Variants in DNHD1 observed in about 807,000 individuals in gnomAD.
The protein encoded by DNHD1 is dynein heavy chain domain-containing protein 1.
In DNHD1, 383 loss-of-function variants were observed where a neutral mutation model predicts 458.1. The observed-to-expected ratio is 0.84, with a 90% CI of 0.77 to 0.91. The LOEUF (loss-of-function observed/expected upper bound fraction) is 0.91, where lower values mean the gene tolerates loss of function less well. DNHD1 is among the 40% of genes least tolerant of loss of function. The probability of loss-of-function intolerance (pLI) is 0.00; values close to 1 mark genes in which losing one functional copy is unlikely to be tolerated. For missense variants in DNHD1, 5,336 were observed against 5,866.1 expected (o/e 0.91, Z 2.95); for synonymous variants, 2,203 against 2,376.9 (o/e 0.93, Z 2.13).
At chr11:6,501,150 G>A (rs945125434) in intron 3 of DNHD1, among the ~76,000 whole-genome samples, 6 of 152,332 alleles carry the variant, frequency 3.9e-5, no homozygotes, top group Middle Eastern at 3.4e-3. Flanking sequence ...GTTAAGTTTT[G>A]TGGGGAGGAA....
chr11:6,524,947 C>T (rs1487427247), intron 10 of DNHD1, among the ~76,000 whole-genome samples: 1 of 152,146 alleles, frequency 6.6e-6, no homozygotes, highest in Non-Finnish European at 1.5e-5. Flanking sequence ...AAGTGGTCAT[C>T]AAGTACCAGG....
intron 24 of DNHD1, 196 bp downstream of exon 24, chr11:6,549,129 A>C: frequency 1.6e-6 from 1 of 633,842 alleles, no homozygotes; most frequent in East Asian, 2.8e-5. Flanking sequence ...GCTTTGCTAA[A>C]TCTCTGTGTC....
At position 6,545,615 on chromosome 11, in the gene DNHD1, G is replaced by T; in HGVS notation, c.4676G>T (p.Gly1559Val). The change falls in exon 21 of 43, where the codon GGG becomes GTG. Residue 1559 changes from glycine to valine, a missense_variant. Gly to Val is a moderately radical substitution (Grantham distance 109). Around this residue, in one of 4 missense-constraint regions of DNHD1, gnomAD observed 3,932 missense variants for 4,365.6 expected, o/e 0.90. Transcript: ENST00000254579. The surrounding 1 kb of genome is among the most constrained non-coding windows in gnomAD (Gnocchi z 4.9). ...FMRAQRASQG[G>V]QSLPSVRQTS... ...CGGGCCCAGAGGGCTTCCCAAGGTG[G>T]GCAGTCCCTGCCTTCTGTCCGCCAG... The T allele has an allele frequency of 1.3e-6, 2 of 1,551,844 alleles. No homozygotes were observed. Among genetic ancestry groups the T allele is most frequent in the Non-Finnish European group, 1.7e-6 (2 of 1,147,012 alleles).
At chr11:6,566,139 A>G (rs1853690448) in intron 33 of DNHD1, 102 bp from the exon 34 acceptor site, 1 of 1,497,108 alleles carries the variant, frequency 6.7e-7, no homozygotes, top group Non-Finnish European at 9.0e-7. Context: ...GAACCCTCCT[A>G]TCAGCCACAG....
intron 3 of DNHD1, among the ~76,000 whole-genome samples, chr11:6,501,379 C>T (rs945266866): frequency 2.0e-5 from 3 of 149,654 alleles, no homozygotes; most frequent in Admixed American, 2.0e-4. Context: ...AATAAATATT[C>T]GTAGACTAAA....
Position 6,571,416 on chromosome 11 carries a change from A to C in DNHD1, c.13904A>C (p.His4635Pro), listed in dbSNP as rs777939275. 1 of 1,592,120 alleles carries C rather than the reference A, an allele frequency of 6.3e-7. No individual in the cohort carries two copies. Among genetic ancestry groups the C allele is most frequent in the African/African-American group, 1.3e-5 (1 of 74,374 alleles). ...KRLEMNSNPLHFRVENGPNPT... is the reference protein window; with the variant it reads ...KRLEMNSNPLPFRVENGPNPT... ...CTGGAGATGAACAGCAACCCTCTGC[A>C]CTTCAGGGTATCTTCGCGCCGCCCC... The change falls in exon 42 of 43, where the codon CAC (histidine) becomes CCC (proline). Residue 4635 changes from histidine (H) to proline (P), a missense_variant. By Grantham distance (77) the His-to-Pro change is moderately conservative (BLOSUM62 -2). This residue lies in a region of DNHD1 where 698 missense variants were observed against 664.9 expected (regional missense o/e 1.05). Transcript: ENST00000254579. The surrounding 1 kb of genome is among the most constrained non-coding windows in gnomAD (Gnocchi z 5.0).
chr11:6,537,749 A>G (rs1852988211), intron 14 of DNHD1, among the ~76,000 whole-genome samples: 1 of 152,036 alleles, frequency 6.6e-6, no homozygotes, highest in South Asian at 2.1e-4. Context: ...TGGCCAACAT[A>G]GTGAAACCCT....
In DNHD1 at chr11:6,511,336, G is replaced by T. The variant is rs1408332033; in HGVS notation, c.1299G>T (p.Leu433=). 10 of 1,614,130 alleles carry T rather than the reference G, an allele frequency of 6.2e-6. No homozygotes were observed. The highest frequency in any genetic ancestry group is 8.5e-6 in the Non-Finnish European group (10 of 1,180,044). Residue 433 remains leucine (L), a synonymous_variant, in exon 7 of 43, where the codon CTG becomes CTT. Coordinates refer to ENST00000254579, the MANE Select transcript of DNHD1 (RefSeq NM_144666.3). ...LPQELDRCYE[L]LDLQTALAEE... is the part of the protein sequence containing the mutation. ...AGGAACTGGATCGGTGCTATGAGCT[G>T]CTGGACCTGCAGACGGCTCTAGCCG...
rs1356098417 is a variant in DNHD1 at position 6,547,308 on chromosome 11, T to C, written c.6369T>C (p.Phe2123=). ...GQQIARPPGT[F]LLMEVADTTG... is the part of the protein sequence containing the mutation. ...AGATAGCACGACCCCCAGGCACCTT[T>C]CTCTTGATGGAGGTGGCTGACACAA... is the stretch of plus-strand genomic sequence containing the variant. Residue 2123 remains phenylalanine, a synonymous_variant, in exon 21 of 43, where the codon TTT becomes TTC. Transcript: ENST00000254579. The C allele has an allele frequency of 4.5e-6, 7 of 1,551,792 alleles. No homozygotes were observed. The East Asian group carries it at 1.7e-4, about 38-fold the overall frequency.
chr11:6,546,232 C>A lies in DNHD1; in HGVS notation c.5293C>A (p.Pro1765Thr). The A allele has an allele frequency of 6.4e-7, 1 of 1,552,006 alleles. No individual in the cohort carries two copies. The change falls in exon 21 of 43, where the codon CCA (proline) becomes ACA (threonine). Residue 1765 changes from proline (P) to threonine (T), a missense_variant. Pro to Thr is a conservative substitution (Grantham distance 38). Coordinates refer to ENST00000254579, the MANE Select transcript of DNHD1 (RefSeq NM_144666.3). ...GGGTGAACTGCACCACTTGTATGCC[C>A]CACTGTACCAGGAGGCTTCCCGAAA... ...RLGELHHLYA[P>T]LYQEASRNTS...
In DNHD1 at chr11:6,544,630, G is replaced by GTT; in HGVS notation, c.3812_3813dup (p.Leu1272PhefsTer5). On this transcript the variant is annotated frameshift_variant, in exon 20 of 43. Coordinates refer to ENST00000254579, the MANE Select transcript of DNHD1 (RefSeq NM_144666.3). ...GCAGAAGTGGATTTTTCTGAATAAA[G>GTT]TTCTGCATGAGATGAAGATCCAGTT... 6.4e-7 allele frequency: 1 copy of GTT among 1,551,594 alleles called. No homozygotes were observed. Among genetic ancestry groups the GTT allele is most frequent in the Non-Finnish European group, 8.7e-7 (1 of 1,146,970 alleles).
In DNHD1 at chr11:6,537,267, G is replaced by A. The variant is rs186431675; in HGVS notation, c.2999-1116G>A. On this transcript the variant is annotated intron_variant, in intron 14 of 42. Coordinates refer to ENST00000254579, the MANE Select transcript of DNHD1 (RefSeq NM_144666.3). ...AAGGGGTGGAGGATAATGGCCGGAGGTAAACATGACAGGTCCTCTATGTGG... is the reference window on the plus strand; with the variant it reads ...AAGGGGTGGAGGATAATGGCCGGAGATAAACATGACAGGTCCTCTATGTGG... 6.6e-5 allele frequency among the ~76,000 whole-genome samples: 10 copies of A among 152,280 alleles called. No homozygotes were observed. In the East Asian group the frequency reaches 1.9e-3, roughly 29 times the overall value.
At chr11:6,528,406 T>TGTGC in intron 10 of DNHD1, 116 bp from the exon 11 acceptor site, 1 of 456,404 alleles carries the variant, frequency 2.2e-6, no homozygotes, top group South Asian at 3.2e-5. Context: ...AGCGAATGGG[T>TGTGC]GTGTGTGTGT....
At chr11:6,542,490 C>G (rs1853115737) in intron 18 of DNHD1, among the ~76,000 whole-genome samples, 1 of 152,128 alleles carries the variant, frequency 6.6e-6, no homozygotes, top group Non-Finnish European at 1.5e-5. Flanking sequence ...TTCAGTTTTC[C>G]CTTCTCTCTC....
chr11:6,569,983 C>G, intron 39 of DNHD1, 26 bp from the exon 40 acceptor site: 1 of 1,602,320 alleles, frequency 6.2e-7, no homozygotes, highest in Non-Finnish European at 8.5e-7. Flanking sequence ...ATATGTGAAA[C>G]CCTGCTTTCC....
Position 6,533,704 on chromosome 11 carries a change from C to A in DNHD1, c.2529C>A (p.Tyr843Ter), listed in dbSNP as rs376323454. 6.4e-7 allele frequency: 1 copy of A among 1,550,404 alleles called. No homozygotes were observed. ...AGTTGAATGAAGCCAATGAACAGTA[C>A]GTCGAGCTGGAGGAGCGAATGGAAT... ...TQKLNEANEQ[Y>*]VELEERMEYV... is the part of the protein sequence containing the mutation. Residue 843 changes from tyrosine to a stop codon, truncating the protein, a stop_gained, in exon 14 of 43, where the codon TAC becomes TAA. Coordinates refer to ENST00000254579, the MANE Select transcript of DNHD1 (RefSeq NM_144666.3). LOFTEE classifies it high-confidence loss of function.
chr11:6,501,301 A>ATTTTT (rs5789468), intron 3 of DNHD1, among the ~76,000 whole-genome samples: 1 of 144,730 alleles, frequency 6.9e-6, no homozygotes, highest in Non-Finnish European at 1.5e-5. Flanking sequence ...CTGGGTAGGG[A>ATTTTT]TTTTTTTTTT....
At position 6,557,983 on chromosome 11, in the gene DNHD1, G is replaced by A; in HGVS notation, c.8688G>A (p.Gly2896=). The change falls in exon 25 of 43, where the codon GGG becomes GGA. Residue 2896 remains glycine (G), a synonymous_variant. Transcript: ENST00000254579. ...TGCTCTCGGGGGCTCTGGGTACTGG[G>A]CGCCACACTGCCATCACTCTGGCTT... ...GLLLSGALGT[G]RHTAITLASS... 6.4e-7 allele frequency: 1 copy of A among 1,551,696 alleles called. No homozygotes were observed. Among genetic ancestry groups the A allele is most frequent in the Non-Finnish European group, 8.7e-7 (1 of 1,146,990 alleles).
intron 7 of DNHD1, among the ~76,000 whole-genome samples, chr11:6,514,841 G>A (rs1286881589): frequency 6.6e-6 from 1 of 152,090 alleles, no homozygotes; most frequent in Non-Finnish European, 1.5e-5. Context: ...AATTTATAAA[G>A]AATAAAAGTT....
Sources: gnomAD v4.1 joint callset for allele counts (sites outside exome capture counted in the v4.1 genomes callset) on GRCh38, gnomAD v4.1.1 for gene constraint, gnomAD v4.1.1 regional missense constraint, Gnocchi (gnomAD v3.1) non-coding constraint, MANE v1.5 for transcripts, NCBI Gene and HGNC (gene_info 2026-07-23, HGNC 2026-07-21) for gene names.